CIMAP3: variants seen among roughly 807,000 people sequenced by gnomAD.
CIMAP3 encodes ciliary microtubule-associated protein 3.
chr1:111,351,238 G>A, the CIMAP3 span: 47 of 1,525,666 alleles, frequency 3.1e-5, no homozygotes, highest in Non-Finnish European at 4.1e-5. Context: ...TATTGATCTA[G>A]AAAACGTTCT....
chr1:111,327,647 A>C, the CIMAP3 span, among the ~76,000 whole-genome samples: 1 of 152,010 alleles, frequency 6.6e-6, no homozygotes, highest in Non-Finnish European at 1.5e-5. Flanking sequence ...TTATGTGTAG[A>C]GGTGTTCTTA....
the CIMAP3 span, among the ~76,000 whole-genome samples, chr1:111,344,019 A>C: frequency 3.3e-5 from 5 of 152,162 alleles, no homozygotes; most frequent in African/African-American, 1.2e-4. Context: ...TTTAAAGTCC[A>C]TGTTTAATGA....
At chr1:111,348,314 A>G in the CIMAP3 span, 1 of 450,504 alleles carries the variant, frequency 2.2e-6, no homozygotes, top group Non-Finnish European at 3.9e-6. Context: ...CAACCTATAT[A>G]TTACGTATCA....
the CIMAP3 span, among the ~76,000 whole-genome samples, chr1:111,341,348 TA>T: frequency 2.0e-5 from 3 of 151,738 alleles, no homozygotes; most frequent in African/African-American, 7.3e-5. Flanking sequence ...CCCTAAAACT[TA>T]AAGTATAATA....
At chr1:111,326,607 C>T in the CIMAP3 span, among the ~76,000 whole-genome samples, 1 of 152,046 alleles carries the variant, frequency 6.6e-6, no homozygotes, top group Non-Finnish European at 1.5e-5. Context: ...ATGCAGGTAT[C>T]CCTTTGATAT....
the CIMAP3 span, chr1:111,324,776 C>T: frequency 1.0e-6 from 1 of 985,208 alleles, no homozygotes; most frequent in African/African-American, 1.7e-5. Flanking sequence ...CTGTTCTTGC[C>T]CAGAACGACT....
At chr1:111,338,832 G>A in the CIMAP3 span, among the ~76,000 whole-genome samples, 1 of 152,030 alleles carries the variant, frequency 6.6e-6, no homozygotes, top group Non-Finnish European at 1.5e-5. Context: ...GAAAAAGAGG[G>A]AATCCTCCCT....
chr1:111,340,884 G>A, the CIMAP3 span, among the ~76,000 whole-genome samples: 20 of 152,058 alleles, frequency 1.3e-4, no homozygotes, highest in Admixed American at 1.1e-3. Context: ...TATAAATCAT[G>A]CTGCTATAAA....
the CIMAP3 span, among the ~76,000 whole-genome samples, chr1:111,342,273 T>C: frequency 6.6e-6 from 1 of 152,272 alleles, no homozygotes; most frequent in South Asian, 2.1e-4. Flanking sequence ...ATTTTCAAAG[T>C]GCTGAAAGAA....
chr1:111,348,964 T>C, the CIMAP3 span: 1 of 202,632 alleles, frequency 4.9e-6, no homozygotes, highest in East Asian at 1.4e-4. Context: ...CACAGGCAAA[T>C]ACACAAGAAA....
the CIMAP3 span, chr1:111,350,198 T>C: frequency 6.2e-7 from 1 of 1,613,448 alleles, no homozygotes; most frequent in South Asian, 1.1e-5. Flanking sequence ...GTTCCATGTC[T>C]ACAGAAAAGA....
chr1:111,338,076 C>G, the CIMAP3 span, among the ~76,000 whole-genome samples: 1 of 149,558 alleles, frequency 6.7e-6, no homozygotes, highest in East Asian at 1.9e-4. Flanking sequence ...GGAAACTGAA[C>G]AACCTGCTCC....
the CIMAP3 span, among the ~76,000 whole-genome samples, chr1:111,338,961 T>A: frequency 1.3e-5 from 2 of 152,162 alleles, no homozygotes; most frequent in African/African-American, 4.8e-5. Flanking sequence ...CTCAATAAAA[T>A]ACTGGCAAAC....
the CIMAP3 span, chr1:111,347,630 T>TTTC: frequency 8.4e-7 from 1 of 1,192,246 alleles, no homozygotes; most frequent in Non-Finnish European, 1.2e-6. Flanking sequence ...TTCTTTTTTT[T>TTTC]TTTTTTTGGT....
the CIMAP3 span, chr1:111,350,078 G>C: frequency 6.4e-7 from 1 of 1,564,066 alleles, no homozygotes; most frequent in South Asian, 1.1e-5. Context: ...TAACTCATTA[G>C]ACATGATGCT....
chr1:111,337,823 A>G, the CIMAP3 span, among the ~76,000 whole-genome samples: 1 of 152,090 alleles, frequency 6.6e-6, no homozygotes, highest in Non-Finnish European at 1.5e-5. Flanking sequence ...CAGGAATTGA[A>G]CTCAGCTCTG....
chr1:111,349,424 G>A, the CIMAP3 span: 6 of 152,320 alleles, frequency 3.9e-5, no homozygotes, highest in African/African-American at 1.4e-4. Flanking sequence ...CAGGCCAACA[G>A]GCTTATTCTC....
At chr1:111,325,778 G>A in the CIMAP3 span, among the ~76,000 whole-genome samples, 1 of 152,140 alleles carries the variant, frequency 6.6e-6, no homozygotes, top group Non-Finnish European at 1.5e-5. Flanking sequence ...GTTGTATAAT[G>A]AATTAGTCCA....
At chr1:111,337,392 C>A in the CIMAP3 span, among the ~76,000 whole-genome samples, 1 of 152,120 alleles carries the variant, frequency 6.6e-6, no homozygotes, top group Non-Finnish European at 1.5e-5. Flanking sequence ...AATTAAAAGA[C>A]ACAGACTGGC....
Sources: allele counts gnomAD v4.1 joint callset (sites outside exome capture counted in the v4.1 genomes callset), GRCh38; gene constraint gnomAD v4.1.1; transcripts MANE v1.5; gene names NCBI Gene and HGNC (gene_info 2026-07-23, HGNC 2026-07-21).